AP2A2: variants seen among roughly 807,000 people sequenced by gnomAD.
AP2A2 encodes AP-2 complex subunit alpha-2.
Under a neutral mutation model 104.2 loss-of-function variants are expected in AP2A2, and 32 were observed. The ratio of observed to expected loss-of-function variants is 0.31; its 90% CI spans 0.23 to 0.41. AP2A2 has a LOEUF of 0.41. Ranked by LOEUF, AP2A2 falls within the 10% of genes least tolerant of loss-of-function variation. The probability of loss-of-function intolerance (pLI) is 1.00; values close to 1 mark genes in which losing one functional copy is unlikely to be tolerated. For synonymous variants in AP2A2, 539 were observed against 533.3 expected (o/e 1.01, Z -0.15); for missense variants, 912 against 1,261.0 (o/e 0.72, Z 4.19).
chr11:1,003,849 G>T (rs1055725924), intron 16 of AP2A2, 45 bp downstream of exon 16: 2 of 1,312,632 alleles, frequency 1.5e-6, no homozygotes, highest in South Asian at 2.7e-5. Flanking sequence ...TAGAAATATG[G>T]GAAATTAAGA....
chr11:1,009,476 G>T, intron 20 of AP2A2, 79 bp downstream of exon 20: 2 of 1,457,890 alleles, frequency 1.4e-6, no homozygotes, highest in Non-Finnish European at 1.9e-6. Flanking sequence ...CGGCCCCGGG[G>T]AACACGCAGC....
At chr11:1,002,553 C>T (rs1036529097) in intron 15 of AP2A2, among the ~76,000 whole-genome samples, 3 of 152,266 alleles carry the variant, frequency 2.0e-5, no homozygotes, top group African/African-American at 2.4e-5. Context: ...GCTGCCTCAG[C>T]GGCTCTCGTG....
chr11:1,000,366 T>G, intron 14 of AP2A2, 66 bp from the exon 15 acceptor site: 615 of 1,497,500 alleles, frequency 4.1e-4, no homozygotes, highest in Non-Finnish European at 5.1e-4. Context: ...CGTGCAGGCG[T>G]GAGCTGCCTG....
intron 7 of AP2A2, 125 bp downstream of exon 7, chr11:984,878 C>T: frequency 1.2e-6 from 1 of 843,212 alleles, no homozygotes; most frequent in Non-Finnish European, 1.9e-6. Context: ...ATTCATGGAC[C>T]TTTCTGCCAG....
At chr11:1,006,399 A>G in intron 16 of AP2A2, 129 bp from the exon 17 acceptor site, 1 of 696,198 alleles carries the variant, frequency 1.4e-6, no homozygotes, top group East Asian at 2.7e-5. Context: ...TAATTTTAAC[A>G]ACAGTCATAC....
chr11:959,690 C>A (rs992327489), intron 2 of AP2A2, among the ~76,000 whole-genome samples, 185 bp downstream of exon 2: 1 of 152,128 alleles, frequency 6.6e-6, no homozygotes, highest in Non-Finnish European at 1.5e-5. Flanking sequence ...TGGGGCAGCC[C>A]CTCCTGGTGT....
At chr11:969,515 C>T (rs762851373) in intron 2 of AP2A2, among the ~76,000 whole-genome samples, 16 of 152,032 alleles carry the variant, frequency 1.1e-4, no homozygotes, top group Admixed American at 8.5e-4. Context: ...CGTGAGCCAC[C>T]GTGCCGGGCC....
chr11:952,833 A>AT (rs375839652), intron 1 of AP2A2, among the ~76,000 whole-genome samples: 167 of 152,216 alleles, frequency 1.1e-3, no homozygotes, highest in African/African-American at 3.9e-3. Context: ...AAAAGATAAG[A>AT]TTTTTTTGCT....
intron 1 of AP2A2, among the ~76,000 whole-genome samples, chr11:938,183 C>A (rs1382080754): frequency 6.6e-6 from 1 of 152,214 alleles, no homozygotes; most frequent in African/African-American, 2.4e-5. Flanking sequence ...CGCCTGTGTG[C>A]CGGCTGGTGC....
Position 1,011,499 on chromosome 11 carries a change from CTGTG to C in AP2A2, c.*877_*880del, listed in dbSNP as rs1856430641. 1 of 494,124 alleles carries C rather than the reference CTGTG, an allele frequency of 2.0e-6. No homozygotes were observed. The highest frequency in any genetic ancestry group is 4.0e-6 in the Non-Finnish European group (1 of 247,668). 30.6% of individuals were successfully genotyped at this position (494,124 alleles called of 1,614,324 possible). ...GAGGGGCTGTGGAGGAGGGACGCCT[CTGTG>C]TGGTCAGGAAGTGAAGGGGCCATTG... On this transcript the variant is annotated 3_prime_UTR_variant, in exon 22 of 22. Transcript: ENST00000448903.
rs763950230 is a variant in AP2A2, at chr11:1,010,643, C to T, written c.*18C>T. On this transcript the variant is annotated 3_prime_UTR_variant, in exon 22 of 22. Coordinates refer to ENST00000448903, the MANE Select transcript of AP2A2 (RefSeq NM_012305.4). ...AGTTTTAGTCCTGAGGATGGAAGAC[C>T]AGGCTCGTGTGTCTTGTGTTGTCTT... 6 of 1,569,452 alleles carry T rather than the reference C, an allele frequency of 3.8e-6. No individual in the cohort carries two copies. The East Asian group carries it at 1.4e-4, about 36-fold the overall frequency.
chr11:985,432 A>G lies in AP2A2; in HGVS notation c.815-3A>G. 1 of 1,613,480 alleles carries G rather than the reference A, an allele frequency of 6.2e-7. No individual in the cohort carries two copies. The highest frequency in any genetic ancestry group is 8.5e-7 in the Non-Finnish European group (1 of 1,179,682). On this transcript the variant is annotated splice_region_variant and splice_polypyrimidine_tract_variant and intron_variant, in intron 7 of 21. Coordinates refer to ENST00000448903, the MANE Select transcript of AP2A2 (RefSeq NM_012305.4). ...GTGAGCACCGTTCTGTCTTGCCCAG[A>G]AGACCCTGCAGTGCGAGGCCGCCTG...
intron 1 of AP2A2, among the ~76,000 whole-genome samples, chr11:944,742 G>C (rs774794118): frequency 6.6e-6 from 1 of 152,154 alleles, no homozygotes; most frequent in Admixed American, 6.5e-5. Context: ...AGAAGTTAGT[G>C]GGGAGGGCGT....
intron 16 of AP2A2, among the ~76,000 whole-genome samples, chr11:1,005,550 C>T (rs1172452455): frequency 6.6e-6 from 1 of 152,222 alleles, no homozygotes; most frequent in Non-Finnish European, 1.5e-5. Flanking sequence ...TAAAAAAATG[C>T]TGTGCACGGA....
intron 1 of AP2A2, among the ~76,000 whole-genome samples, chr11:948,208 TAGTG>T (rs1253074699): frequency 2.6e-5 from 4 of 152,174 alleles, no homozygotes; most frequent in Non-Finnish European, 4.4e-5. Context: ...TTGGCAAACT[TAGTG>T]AGACTGACTG....
chr11:960,014 C>G (rs1411103206), intron 2 of AP2A2, among the ~76,000 whole-genome samples: 1 of 152,176 alleles, frequency 6.6e-6, no homozygotes, highest in African/African-American at 2.4e-5. Context: ...ATCCTTAAAG[C>G]CTTAATTTTT....
At chr11:983,337 CT>C (rs1272004436) in intron 6 of AP2A2, among the ~76,000 whole-genome samples, 1 of 149,384 alleles carries the variant, frequency 6.7e-6, no homozygotes, top group Non-Finnish European at 1.5e-5. Context: ...CTTTCCTCTA[CT>C]TTCTTTGGGT....
intron 6 of AP2A2, 103 bp from the exon 7 acceptor site, chr11:984,542 C>G: frequency 1.0e-6 from 1 of 981,258 alleles, no homozygotes; most frequent in Non-Finnish European, 1.6e-6. Context: ...AACCATTTTT[C>G]CAGCTCAGGC....
intron 1 of AP2A2, among the ~76,000 whole-genome samples, chr11:954,727 G>A (rs1260117094): frequency 6.6e-6 from 1 of 151,804 alleles, no homozygotes; most frequent in African/African-American, 2.4e-5. Flanking sequence ...TATTTGGTGT[G>A]TGTGTGTGTG....
Sources: allele counts gnomAD v4.1 joint callset (sites outside exome capture counted in the v4.1 genomes callset), GRCh38; gene constraint gnomAD v4.1.1; transcripts MANE v1.5; gene names NCBI Gene and HGNC (gene_info 2026-07-23, HGNC 2026-07-21).